The following CNTNAP2 variants were observed in gnomAD, a reference collection of about 807,000 sequenced individuals.
CNTNAP2 encodes the protein contactin-associated protein-like 2.
A neutral mutation model predicts 155.2 loss-of-function variants in CNTNAP2; 98 were observed. That is an observed-to-expected ratio of 0.63 (90% CI 0.54 to 0.75). The LOEUF (loss-of-function observed/expected upper bound fraction) is 0.75. Among genes scored for constraint, CNTNAP2 ranks in the 30% least tolerant of loss-of-function variants. The pLI, the probability that CNTNAP2 is intolerant of heterozygous loss-of-function variation, is 0.00. For missense variants in CNTNAP2, 1,727 were observed against 1,688.1 expected, an observed-to-expected ratio of 1.02 and a Z score of -0.40; for synonymous variants, 651 against 631.2, an observed-to-expected ratio of 1.03 and a Z score of -0.47.
chr7:146,929,929 T>C (rs1037082098), intron 3 of CNTNAP2, among the ~76,000 whole-genome samples: 9 of 152,110 alleles, frequency 5.9e-5, no homozygotes, highest in African/African-American at 9.7e-5. Context: ...CCAAGAAATA[T>C]GGGACTATGT....
At chr7:147,377,866 T>C (rs578215132) in intron 9 of CNTNAP2, among the ~76,000 whole-genome samples, 1 of 151,948 alleles carries the variant, frequency 6.6e-6, no homozygotes, top group Non-Finnish European at 1.5e-5. Context: ...TGTGCTGTTA[T>C]AGCATGCTGT....
At chr7:147,211,456 C>G (rs1803144144) in intron 8 of CNTNAP2, among the ~76,000 whole-genome samples, 1 of 151,824 alleles carries the variant, frequency 6.6e-6, no homozygotes, top group Non-Finnish European at 1.5e-5. Flanking sequence ...AGCACTGGCA[C>G]AAAAACAGGC....
intron 12 of CNTNAP2, among the ~76,000 whole-genome samples, chr7:147,614,168 T>C (rs944740638): frequency 2.6e-5 from 4 of 152,314 alleles, no homozygotes; most frequent in Non-Finnish European, 5.9e-5. Flanking sequence ...CTCTGCATTG[T>C]TCTTCAACAA....
At chr7:148,287,388 T>A (rs1411312444) in intron 21 of CNTNAP2, among the ~76,000 whole-genome samples, 2 of 152,184 alleles carry the variant, frequency 1.3e-5, no homozygotes, top group East Asian at 3.9e-4. Context: ...TTGTTCAGCT[T>A]CGCTCATAAT....
intron 15 of CNTNAP2, among the ~76,000 whole-genome samples, chr7:148,006,684 C>T (rs373076707): frequency 8.8e-5 from 13 of 148,114 alleles, no homozygotes; most frequent in East Asian, 2.0e-4. Flanking sequence ...ACAGACTTGA[C>T]TCTGAGGGGC....
intron 10 of CNTNAP2, among the ~76,000 whole-genome samples, chr7:147,477,694 T>G (rs1798346638): frequency 6.6e-6 from 1 of 152,226 alleles, no homozygotes; most frequent in South Asian, 2.1e-4. Flanking sequence ...GGTGCATCTC[T>G]TGATGGCTGG....
intron 14 of CNTNAP2, among the ~76,000 whole-genome samples, chr7:147,967,094 C>T (rs1801228696): frequency 6.6e-6 from 1 of 152,052 alleles, no homozygotes. Flanking sequence ...ATGGAAATGG[C>T]AAAGAGGCTA....
intron 8 of CNTNAP2, among the ~76,000 whole-genome samples, chr7:147,263,764 A>G (rs1241102888): frequency 6.6e-6 from 1 of 152,208 alleles, no homozygotes; most frequent in Non-Finnish European, 1.5e-5. Context: ...GCTCTGATGC[A>G]TACATATGGA....
chr7:147,385,207 G>T (rs1334778266), intron 9 of CNTNAP2, among the ~76,000 whole-genome samples: 1 of 152,142 alleles, frequency 6.6e-6, no homozygotes, highest in African/African-American at 2.4e-5. Context: ...GGGAAGTGTG[G>T]GAGTTACAAT....
At chr7:146,407,259 C>G (rs755899224) in intron 1 of CNTNAP2, among the ~76,000 whole-genome samples, 1 of 151,998 alleles carries the variant, frequency 6.6e-6, no homozygotes, top group Non-Finnish European at 1.5e-5. Flanking sequence ...TGTTTTGTGT[C>G]TTGTGGAAAA....
At chr7:147,026,709 A>G (rs910384756) in intron 3 of CNTNAP2, among the ~76,000 whole-genome samples, 19 of 151,944 alleles carry the variant, frequency 1.3e-4, no homozygotes, top group Admixed American at 4.6e-4. Flanking sequence ...GAACTTGAAT[A>G]AAACAGACTT....
intron 1 of CNTNAP2, among the ~76,000 whole-genome samples, chr7:146,603,953 C>A (rs2129152439): frequency 7.5e-6 from 1 of 132,538 alleles, no homozygotes; most frequent in African/African-American, 2.9e-5. Context: ...AACGTTAGAC[C>A]TAAAACCATA....
chr7:146,255,246 TTC>T (rs1236497266), intron 1 of CNTNAP2, among the ~76,000 whole-genome samples: 1 of 152,202 alleles, frequency 6.6e-6, no homozygotes, highest in East Asian at 1.9e-4. Context: ...CAAGCTACAT[TTC>T]TCTGAGTATC....
chr7:146,902,078 G>T (rs1225753810), intron 3 of CNTNAP2, among the ~76,000 whole-genome samples: 1 of 151,836 alleles, frequency 6.6e-6, no homozygotes, highest in Non-Finnish European at 1.5e-5. Context: ...TGGAGACGGG[G>T]TTTCACCGTG....
At chr7:146,974,476 C>T (rs1797867937) in intron 3 of CNTNAP2, among the ~76,000 whole-genome samples, 1 of 151,842 alleles carries the variant, frequency 6.6e-6, no homozygotes, top group Non-Finnish European at 1.5e-5. Flanking sequence ...AAAATAAAGT[C>T]AGTTACTTAT....
At chr7:147,777,604 C>A (rs531600703) in intron 13 of CNTNAP2, among the ~76,000 whole-genome samples, 3 of 152,274 alleles carry the variant, frequency 2.0e-5, no homozygotes, top group African/African-American at 7.2e-5. Flanking sequence ...TTTTTCAAGA[C>A]CTTTCTAAGT....
intron 1 of CNTNAP2, among the ~76,000 whole-genome samples, chr7:146,228,400 A>G (rs1292150399): frequency 6.6e-6 from 1 of 152,210 alleles, no homozygotes; most frequent in Non-Finnish European, 1.5e-5. Flanking sequence ...CATATGTTAC[A>G]TAAAGACGAT....
At chr7:147,738,957 A>C (rs1796906966) in intron 13 of CNTNAP2, among the ~76,000 whole-genome samples, 1 of 151,986 alleles carries the variant, frequency 6.6e-6, no homozygotes, top group Non-Finnish European at 1.5e-5. Flanking sequence ...GCCCGGGCAA[A>C]ACAAAACTTT....
intron 15 of CNTNAP2, among the ~76,000 whole-genome samples, chr7:148,024,145 A>G (rs1036620494): frequency 8.3e-6 from 1 of 120,036 alleles, no homozygotes; most frequent in Non-Finnish European, 1.7e-5. Context: ...ATATAGATCA[A>G]CCTTTAAAGT....
Sources: allele counts gnomAD v4.1 joint callset (sites outside exome capture counted in the v4.1 genomes callset), GRCh38; gene constraint gnomAD v4.1.1; transcripts MANE v1.5; gene names NCBI Gene and HGNC (gene_info 2026-07-23, HGNC 2026-07-21).